Variants in HGSNAT observed in about 807,000 individuals in gnomAD.
HGSNAT encodes transmembrane protein 76.
A neutral mutation model predicts 85.2 loss-of-function variants in HGSNAT; 59 were observed. The ratio of observed to expected loss-of-function variants is 0.69; its 90% CI spans 0.56 to 0.86. The LOEUF is 0.86. Among genes scored for constraint, HGSNAT ranks in the 40% least tolerant of loss-of-function variants. HGSNAT has a pLI of 0.00. For synonymous variants in HGSNAT, 321 were observed against 304.5 expected, an observed-to-expected ratio of 1.05 and a Z score of -0.56; for missense variants, 756 against 777.1, an observed-to-expected ratio of 0.97 and a Z score of 0.32.
chr8:43,191,108 G>A (rs550552541), intron 11 of HGSNAT, among the ~76,000 whole-genome samples: 3 of 152,282 alleles, frequency 2.0e-5, no homozygotes, highest in East Asian at 1.9e-4. Flanking sequence ...ATTAGATTCC[G>A]CTTTAGGGAT....
Position 43,152,487 on chromosome 8 carries a change from T to C in HGSNAT, c.234+5424T>C, listed in dbSNP as rs116870168. Among the ~76,000 whole-genome samples, 90 of 152,288 alleles carry C rather than the reference T, an allele frequency of 5.9e-4. No individual in the cohort carries two copies. In the East Asian group the frequency reaches 0.016, roughly 27 times the overall value. Reference sequence around the variant, plus strand: ...TTTTTGAGGCAGGGTCTTGCTCTGTTGCCCAGGTTGGAGTGCAGTGGTGTG... The same window carrying C: ...TTTTTGAGGCAGGGTCTTGCTCTGTCGCCCAGGTTGGAGTGCAGTGGTGTG... On this transcript the variant is annotated intron_variant, in intron 2 of 17. Transcript: ENST00000379644.
chr8:43,152,313 AAG>A (rs1452328994), intron 2 of HGSNAT, among the ~76,000 whole-genome samples: 5 of 152,176 alleles, frequency 3.3e-5, no homozygotes, highest in Non-Finnish European at 7.4e-5. Flanking sequence ...GGGAAATGCA[AAG>A]CTATTCAGTA....
intron 13 of HGSNAT, among the ~76,000 whole-genome samples, chr8:43,193,087 G>A (rs768704246): frequency 1.3e-5 from 2 of 152,160 alleles, no homozygotes; most frequent in Admixed American, 1.3e-4. Flanking sequence ...TGGATGGTGC[G>A]GAAGGCCCCC....
chr8:43,153,321 TA>T (rs908578045), intron 2 of HGSNAT, among the ~76,000 whole-genome samples: 1 of 151,846 alleles, frequency 6.6e-6, no homozygotes, highest in Non-Finnish European at 1.5e-5. Context: ...ACCCACAAAC[TA>T]AAAAAAATTT....
chr8:43,142,340 G>A (rs1802578312), intron 1 of HGSNAT, among the ~76,000 whole-genome samples: 1 of 152,116 alleles, frequency 6.6e-6, no homozygotes, highest in Non-Finnish European at 1.5e-5. Flanking sequence ...TAGGTCAGCT[G>A]CTGTGTGGGA....
At chr8:43,167,526 A>G (rs181061363) in intron 5 of HGSNAT, among the ~76,000 whole-genome samples, 5 of 152,356 alleles carry the variant, frequency 3.3e-5, no homozygotes, top group African/African-American at 1.2e-4. Context: ...TAAGGTATGT[A>G]AACTGTCTTT....
intron 2 of HGSNAT, among the ~76,000 whole-genome samples, chr8:43,150,172 C>T (rs1213829683): frequency 1.3e-5 from 2 of 152,090 alleles, no homozygotes; most frequent in Non-Finnish European, 1.5e-5. Flanking sequence ...CCACGCTGGT[C>T]CTGAACTCCT....
At chr8:43,167,048 G>C (rs1454313415) in intron 5 of HGSNAT, among the ~76,000 whole-genome samples, 1 of 152,186 alleles carries the variant, frequency 6.6e-6, no homozygotes, top group Non-Finnish European at 1.5e-5. Context: ...CTGAAGATGT[G>C]ACTGAATTGC....
rs781172669 is a variant in HGSNAT, at chr8:43,196,976, C to G, written c.1493C>G (p.Ala498Gly). ...QAGKILLYYK[A>G]RTKDILIRFT... ...GGAAAAATACTATTGTATTACAAGG[C>G]TCGGACCAAAGACATCCTGATTCGA... The change falls in exon 15 of 18, where the codon GCT becomes GGT. Residue 498 changes from alanine to glycine, a missense_variant. Ala to Gly is a moderately conservative substitution (Grantham distance 60). Coordinates refer to ENST00000379644, the MANE Select transcript of HGSNAT (RefSeq NM_152419.3). 1.2e-6 allele frequency: 2 copies of G among 1,611,614 alleles called. No individual in the cohort carries two copies. Among genetic ancestry groups the G allele is most frequent in the East Asian group, 2.2e-5 (1 of 44,870 alleles).
At chr8:43,175,311 A>G (rs917352124) in intron 9 of HGSNAT, among the ~76,000 whole-genome samples, 2 of 152,168 alleles carry the variant, frequency 1.3e-5, no homozygotes, top group East Asian at 3.9e-4. Flanking sequence ...CCTATTGTCC[A>G]TGGTGATTGT....
chr8:43,173,603 G>A (rs755642924), intron 8 of HGSNAT, 110 bp from the exon 9 acceptor site: 16 of 1,184,162 alleles, frequency 1.4e-5, no homozygotes, highest in South Asian at 2.6e-5. Context: ...GAGTCACTGC[G>A]CCTCCCCTGG....
At position 43,150,052 on chromosome 8, in the gene HGSNAT, G is replaced by C. The variant is rs1482243771; in HGVS notation, c.234+2989G>C. Among the ~76,000 whole-genome samples, 5 of 152,216 alleles carry C rather than the reference G, an allele frequency of 3.3e-5. 1 individual carries two copies. In the East Asian group the frequency reaches 9.8e-4, roughly 30 times the overall value. On this transcript the variant is annotated intron_variant, in intron 2 of 17. Coordinates refer to ENST00000379644, the MANE Select transcript of HGSNAT (RefSeq NM_152419.3). Reference sequence around the variant, plus strand: ...CCTCACCACAACCTCCACCTCCTGGGTTCAAGCGATTCTCCTGCCTCAGCC... The same window carrying C: ...CCTCACCACAACCTCCACCTCCTGGCTTCAAGCGATTCTCCTGCCTCAGCC...
chr8:43,189,350 C>T (rs574655184), intron 11 of HGSNAT, among the ~76,000 whole-genome samples: 1 of 152,174 alleles, frequency 6.6e-6, no homozygotes, highest in Admixed American at 6.5e-5. Flanking sequence ...CCCTTCCCCC[C>T]AGCCTCGCTG....
At chr8:43,144,833 G>GTAC (rs1358221217) in intron 1 of HGSNAT, among the ~76,000 whole-genome samples, 1 of 152,158 alleles carries the variant, frequency 6.6e-6, no homozygotes, top group Non-Finnish European at 1.5e-5. Context: ...GAGGTTAGGG[G>GTAC]TACTGGCTCT....
intron 13 of HGSNAT, among the ~76,000 whole-genome samples, chr8:43,192,945 G>C (rs1283203664): frequency 6.6e-6 from 1 of 152,220 alleles, no homozygotes; most frequent in Non-Finnish European, 1.5e-5. Flanking sequence ...GGACCGTGCA[G>C]AGGGAGAAGT....
At chr8:43,146,178 C>G (rs901271936) in intron 1 of HGSNAT, among the ~76,000 whole-genome samples, 1 of 152,094 alleles carries the variant, frequency 6.6e-6, no homozygotes, top group Non-Finnish European at 1.5e-5. Flanking sequence ...TGCTCCCAAT[C>G]CAGGAGCAGT....
intron 4 of HGSNAT, among the ~76,000 whole-genome samples, chr8:43,159,606 T>C (rs920305276): frequency 2.6e-5 from 4 of 152,154 alleles, no homozygotes; most frequent in Admixed American, 2.6e-4. Context: ...TTATATGATA[T>C]ATCAATACAT....
intron 5 of HGSNAT, among the ~76,000 whole-genome samples, chr8:43,166,563 C>A (rs553960437): frequency 2.9e-3 from 442 of 152,264 alleles, no homozygotes; most frequent in Non-Finnish European, 4.4e-3. Flanking sequence ...CTATTTTAAG[C>A]CTACTGTCGA....
intron 11 of HGSNAT, among the ~76,000 whole-genome samples, chr8:43,186,076 C>T (rs1804297656): frequency 6.6e-6 from 1 of 152,164 alleles, no homozygotes; most frequent in Admixed American, 6.5e-5. Flanking sequence ...CGATGTTCAT[C>T]AGGGATATTG....
Sources: allele counts gnomAD v4.1 joint callset (sites outside exome capture counted in the v4.1 genomes callset), GRCh38; gene constraint gnomAD v4.1.1; transcripts MANE v1.5; gene names NCBI Gene and HGNC (gene_info 2026-07-23, HGNC 2026-07-21).